Variants in NUP98 observed in about 807,000 individuals in gnomAD.
NUP98 encodes nuclear pore complex protein Nup98-Nup96.
In NUP98, 26 loss-of-function variants were observed where a neutral mutation model predicts 191.9. The ratio of observed to expected loss-of-function variants is 0.14; its 90% CI spans 0.10 to 0.19. NUP98 has a LOEUF of 0.19. Among genes scored for constraint, NUP98 ranks in the 10% least tolerant of loss-of-function variants. The pLI is 1.00. For synonymous variants in NUP98, 808 were observed against 778.4 expected (o/e 1.04, Z -0.63); for missense variants, 1,941 against 2,178.8 (o/e 0.89, Z 2.17).
At chr11:3,773,932 G>C (rs779366028) in intron 5 of NUP98, among the ~76,000 whole-genome samples, 193 bp from the exon 6 acceptor site, 1 of 152,030 alleles carries the variant, frequency 6.6e-6, no homozygotes, top group East Asian at 1.9e-4. Context: ...TGAATAAATC[G>C]ATCTTAGTAA....
rs898031150 is a variant in NUP98 at position 3,769,766 on chromosome 11, C to T, written c.785-1022G>A. On this transcript the variant is annotated intron_variant, in intron 7 of 32. Transcript: ENST00000324932. ...CTGCTAAAAATTAGGGCTGGACGGCCAGCCATGGTGGCTCATGCCTGTAAT... is the reference window on the plus strand; with the variant it reads ...CTGCTAAAAATTAGGGCTGGACGGCTAGCCATGGTGGCTCATGCCTGTAAT... Among the ~76,000 whole-genome samples, 15 of 151,760 alleles carry T rather than the reference C, an allele frequency of 9.9e-5. 1 individual carries two copies. Among genetic ancestry groups the T allele is most frequent in the Admixed American group, 9.9e-4 (15 of 15,200 alleles).
chr11:3,686,718 T>A (rs922252803), intron 28 of NUP98, among the ~76,000 whole-genome samples: 44 of 152,190 alleles, frequency 2.9e-4, no homozygotes, highest in African/African-American at 9.9e-4. Context: ...GCGCGGTGGC[T>A]CACGCCTGTA....
intron 1 of NUP98, 120 bp from the exon 2 acceptor site, chr11:3,782,265 A>G (rs2133950779): frequency 1.9e-6 from 1 of 533,132 alleles, no homozygotes; most frequent in East Asian, 3.1e-5. Context: ...ACTCTCATTC[A>G]AAATCCTCAA....
At chr11:3,736,128 C>T (rs572811938) in intron 12 of NUP98, among the ~76,000 whole-genome samples, 8 of 151,474 alleles carry the variant, frequency 5.3e-5, no homozygotes, top group South Asian at 2.1e-4. Context: ...GATGGGGTTT[C>T]GCCATGTTGC....
intron 11 of NUP98, among the ~76,000 whole-genome samples, chr11:3,750,055 T>G (rs1487742546): frequency 6.6e-6 from 1 of 152,242 alleles, no homozygotes; most frequent in Non-Finnish European, 1.5e-5. Flanking sequence ...CATCATCAAA[T>G]AAATGTCCAT....
At chr11:3,788,845 G>C (rs531186296) in intron 1 of NUP98, among the ~76,000 whole-genome samples, 345 of 152,092 alleles carry the variant, frequency 2.3e-3, no homozygotes, top group Non-Finnish European at 3.4e-3. Context: ...TATTCGGGAG[G>C]CTGAGGCAGG....
At chr11:3,795,838 T>G (rs374994646) in intron 1 of NUP98, among the ~76,000 whole-genome samples, 1 of 152,250 alleles carries the variant, frequency 6.6e-6, no homozygotes, top group Non-Finnish European at 1.5e-5. Context: ...CACGCTTTAC[T>G]ATTTAGACTA....
intron 18 of NUP98, among the ~76,000 whole-genome samples, chr11:3,717,516 T>A (rs1370864205): frequency 6.6e-6 from 1 of 152,256 alleles, no homozygotes; most frequent in African/African-American, 2.4e-5. Flanking sequence ...CAACTGATTT[T>A]TCCATGTTGA....
Position 3,793,617 on chromosome 11 carries a change from C to T in NUP98, c.-29+3783G>A, listed in dbSNP as rs538845440. Among the ~76,000 whole-genome samples the T allele has an allele frequency of 5.3e-3, 808 of 151,850 alleles. 3 individuals carry two copies. Among genetic ancestry groups the T allele is most frequent in the Non-Finnish European group, 7.1e-3 (485 of 67,920 alleles). ...ACTATATTTTTAAGAATTTTTCTTT[C>T]CTTACTAAAAAAAACTGCAAGTATT... On this transcript the variant is annotated intron_variant, in intron 1 of 32. Coordinates refer to ENST00000324932, the MANE Select transcript of NUP98 (RefSeq NM_016320.5).
chr11:3,699,490 G>T, intron 24 of NUP98, 142 bp from the exon 25 acceptor site: 1 of 846,350 alleles, frequency 1.2e-6, no homozygotes. Context: ...CCCTGAATCT[G>T]TCTCTACCTC....
Position 3,683,429 on chromosome 11 carries a change from C to T in NUP98, c.4689G>A (p.Lys1563=), listed in dbSNP as rs139927278. The part of the protein sequence containing the change: ...LHIDNSGIRE[K]AVRELLTRHC... ...GCCGGGTAAGCAGCTCTCGAACAGC[C>T]TTCTCACGTATGCTACAGGGAGAGA... The change falls in exon 30 of 33, where the codon AAG becomes AAA. Residue 1563 remains lysine (K), a synonymous_variant. Coordinates refer to ENST00000324932, the MANE Select transcript of NUP98 (RefSeq NM_016320.5). 130 of 1,614,168 alleles carry T rather than the reference C, an allele frequency of 8.1e-5. No individual in the cohort carries two copies. In the African/African-American group the frequency reaches 1.6e-3, roughly 19 times the overall value.
At position 3,724,780 on chromosome 11, in the gene NUP98, C is replaced by CAAAAAAAAAA. The variant is rs71041382; in HGVS notation, c.1847+313_1847+322dup. Among the ~76,000 whole-genome samples, 15 of 80,178 alleles carry CAAAAAAAAAA rather than the reference C, an allele frequency of 1.9e-4. 1 individual carries two copies. The highest frequency in any genetic ancestry group is 1.4e-3 in the South Asian group (3 of 2,104). The allele number at this position is 80,178 out of a possible 152,430, so 52.6% of individuals were successfully genotyped here. A position where few individuals can be genotyped will look rare whatever the true frequency, so the allele number is the denominator to read the frequency against. ...TGGGCGACAGAGTGAGACTCTGTCT[C>CAAAAAAAAAA]AAAAAAAAAAAAGAAAGAAAATCAT... On this transcript the variant is annotated intron_variant, in intron 15 of 32. Transcript: ENST00000324932.
At chr11:3,700,517 T>C in intron 24 of NUP98, 93 bp downstream of exon 24, 1 of 811,962 alleles carries the variant, frequency 1.2e-6, no homozygotes. Flanking sequence ...ATTTACCTAC[T>C]AGACTGGTGC....
chr11:3,735,215 C>T lies in NUP98; in HGVS notation c.1518G>A (p.Met506Ile). ...FGDSPLFRNP[M>I]SDPKKKEERL... ...CCTCTTCCTTCTTCTTAGGGTCTGA[C>T]ATCGGATTCCGGAAGAGAGGAGAGT... is the stretch of plus-strand genomic sequence containing the variant. Residue 506 changes from methionine to isoleucine, a missense_variant, in exon 13 of 33, where the codon ATG becomes ATA. Around this residue, in one of 6 missense-constraint regions of NUP98, gnomAD observed 453 missense variants for 438.2 expected, o/e 1.03. Transcript: ENST00000324932. 6.3e-7 allele frequency: 1 copy of T among 1,595,762 alleles called. No homozygotes were observed.
chr11:3,677,346 T>C (rs998288999), intron 31 of NUP98, among the ~76,000 whole-genome samples: 1 of 150,566 alleles, frequency 6.6e-6, no homozygotes, highest in Non-Finnish European at 1.5e-5. Flanking sequence ...ATTTACATGG[T>C]GACATGTAGG....
intron 1 of NUP98, among the ~76,000 whole-genome samples, chr11:3,794,121 T>C (rs965170140): frequency 6.6e-6 from 1 of 152,196 alleles, no homozygotes; most frequent in South Asian, 2.1e-4. Flanking sequence ...GAGGTAGGAA[T>C]GTTGCTAAAT....
At chr11:3,762,454 C>T (rs746186709) in intron 9 of NUP98, among the ~76,000 whole-genome samples, 53 of 152,020 alleles carry the variant, frequency 3.5e-4, no homozygotes, top group African/African-American at 1.2e-3. Flanking sequence ...CTCACAATAG[C>T]AAGTTCAAAG....
At position 3,713,872 on chromosome 11, in the gene NUP98, T is replaced by C. The variant is rs765643198; in HGVS notation, c.2523A>G (p.Lys841=). 139 of 1,614,072 alleles carry C rather than the reference T, an allele frequency of 8.6e-5. 1 individual carries two copies. Among genetic ancestry groups the C allele is most frequent in the Non-Finnish European group, 1.1e-4 (135 of 1,180,028 alleles). ...YEGRLEAVSR[K]QGAQFKEYRP... ...GGTATTCTTTGAATTGAGCTCCCTGTTTCCTTGAAACTGCTTCCAATCTTC... is the reference window on the plus strand; with the variant it reads ...GGTATTCTTTGAATTGAGCTCCCTGCTTCCTTGAAACTGCTTCCAATCTTC... Residue 841 remains lysine (K), a synonymous_variant, in exon 19 of 33, where the codon AAA becomes AAG. Transcript: ENST00000324932.
chr11:3,775,691 A>G (rs2081694240), intron 5 of NUP98, among the ~76,000 whole-genome samples, 191 bp downstream of exon 5: 1 of 152,134 alleles, frequency 6.6e-6, no homozygotes. Context: ...ATTCAAATAT[A>G]CATCGTAATC....
Sources: allele counts gnomAD v4.1 joint callset (sites outside exome capture counted in the v4.1 genomes callset), GRCh38; gene constraint gnomAD v4.1.1; regional missense constraint gnomAD v4.1.1; transcripts MANE v1.5; gene names NCBI Gene and HGNC (gene_info 2026-07-23, HGNC 2026-07-21).